HS6ST2: variants seen among roughly 807,000 people sequenced by gnomAD.
HS6ST2 encodes the protein heparan-sulfate 6-O-sulfotransferase 2.
HS6ST2 carries 17 observed loss-of-function variants against 33.0 expected under a neutral mutation model. The observed-to-expected ratio is 0.52, with a 90% CI of 0.35 to 0.77. The LOEUF (loss-of-function observed/expected upper bound fraction) is 0.77, where lower values mean the gene tolerates loss of function less well. HS6ST2 is among the 30% of genes least tolerant of loss of function. The pLI is 0.01. For synonymous variants in HS6ST2, 248 were observed against 237.1 expected (o/e 1.05, Z -0.42); for missense variants, 519 against 551.7 (o/e 0.94, Z 0.59).
intron 2 of HS6ST2, among the ~76,000 whole-genome samples, chrX:132,785,580 T>A (rs148234125): frequency 9.0e-6 from 1 of 111,662 alleles, no homozygotes. Flanking sequence ...ACTAACATCA[T>A]TGGACACTTG....
At chrX:132,650,975 C>T (rs1287996839) in intron 4 of HS6ST2, among the ~76,000 whole-genome samples, 1 of 110,614 alleles carries the variant, frequency 9.0e-6, no homozygotes, top group African/African-American at 3.3e-5. Context: ...ACTATGTTGC[C>T]CAGGCTTGTC....
intron 1 of HS6ST2, 90 bp from the exon 2 acceptor site, chrX:132,957,416 G>T: frequency 1.0e-6 from 1 of 974,970 alleles, no homozygotes; most frequent in Non-Finnish European, 1.4e-6. Context: ...TGGAGCCGCT[G>T]CTGCGCCCCT....
At chrX:132,825,350 G>A (rs981364898) in intron 2 of HS6ST2, among the ~76,000 whole-genome samples, 1 of 111,765 alleles carries the variant, frequency 8.9e-6, no homozygotes, top group African/African-American at 3.2e-5. Context: ...AGGCCCATTT[G>A]TATCTGTTCA....
chrX:132,787,143 A>G (rs1357558845), intron 2 of HS6ST2, among the ~76,000 whole-genome samples: 2 of 83,828 alleles, frequency 2.4e-5, no homozygotes, highest in Non-Finnish European at 4.5e-5. Flanking sequence ...ATATACTCCA[A>G]AGTGTGTGTG....
intron 2 of HS6ST2, among the ~76,000 whole-genome samples, chrX:132,781,669 T>C (rs377745018): frequency 1.2e-4 from 13 of 111,196 alleles, no homozygotes; most frequent in East Asian, 1.1e-3. Flanking sequence ...GAACCTATAA[T>C]TGAGGTGGAA....
At chrX:132,904,276 T>C (rs1210268821) in intron 2 of HS6ST2, among the ~76,000 whole-genome samples, 1 of 111,905 alleles carries the variant, frequency 8.9e-6, no homozygotes, top group African/African-American at 3.2e-5. Flanking sequence ...TCAGTTAATA[T>C]TGTGAAACTT....
chrX:132,790,177 T>A (rs901527344), intron 2 of HS6ST2, among the ~76,000 whole-genome samples: 2 of 111,829 alleles, frequency 1.8e-5, no homozygotes, highest in Non-Finnish European at 3.8e-5. Flanking sequence ...ACTGTTGTCT[T>A]ATTTTAAGAA....
At chrX:132,940,190 A>C (rs1046471743) in intron 2 of HS6ST2, among the ~76,000 whole-genome samples, 5 of 112,098 alleles carry the variant, frequency 4.5e-5, no homozygotes, top group African/African-American at 1.6e-4. Context: ...ATGAATAAAG[A>C]AAAACAGTCT....
chrX:132,674,181 C>T lies in HS6ST2; in HGVS notation c.981-4982G>A, dbSNP rs2063907248. Among the ~76,000 whole-genome samples the T allele has an allele frequency of 2.7e-5, 3 of 111,524 alleles. No individual in the cohort carries two copies. The Admixed American group carries it at 2.9e-4, about 11-fold the overall frequency. On this transcript the variant is annotated intron_variant, in intron 3 of 4. Transcript: ENST00000370833. ...CCTCTTCTAGTTTCCCTTTGCCTAA[C>T]TATGGATAATAACAGGATTTCTGAG...
intron 2 of HS6ST2, among the ~76,000 whole-genome samples, chrX:132,783,739 C>A (rs2065036171): frequency 9.0e-6 from 1 of 111,217 alleles, no homozygotes; most frequent in Non-Finnish European, 1.9e-5. Flanking sequence ...AGGAAGCCCT[C>A]TCCAGCAAGG....
At chrX:132,878,038 G>A (rs773129725) in intron 2 of HS6ST2, among the ~76,000 whole-genome samples, 1 of 111,865 alleles carries the variant, frequency 8.9e-6, no homozygotes, top group Non-Finnish European at 1.9e-5. Context: ...CGGGCAAGAT[G>A]TATTCCTTAA....
intron 2 of HS6ST2, among the ~76,000 whole-genome samples, chrX:132,923,755 G>A (rs1221164749): frequency 9.0e-6 from 1 of 111,084 alleles, no homozygotes; most frequent in Non-Finnish European, 1.9e-5. Flanking sequence ...GAGCCACCGA[G>A]CTGAGCAGAG....
intron 2 of HS6ST2, among the ~76,000 whole-genome samples, chrX:132,833,373 T>C (rs1479881912): frequency 7.2e-5 from 8 of 111,503 alleles, no homozygotes; most frequent in Non-Finnish European, 1.3e-4. Context: ...TGTCAGAGTT[T>C]AGTGCTTGGC....
rs575180166 is a variant in HS6ST2, at chrX:132,916,093, C to T, written c.947+40715G>A. On this transcript the variant is annotated intron_variant, in intron 2 of 4. Transcript: ENST00000370833. ...TTCCTGCATGCAAACCAAGTCATGGCAAAGGAAAGCTGGGCTGGTATGCAA... is the reference window on the plus strand; with the variant it reads ...TTCCTGCATGCAAACCAAGTCATGGTAAAGGAAAGCTGGGCTGGTATGCAA... 5.4e-5 allele frequency among the ~76,000 whole-genome samples: 6 copies of T among 111,338 alleles called. No homozygotes were observed. In the South Asian group the frequency reaches 1.9e-3, roughly 35 times the overall value.
intron 2 of HS6ST2, among the ~76,000 whole-genome samples, chrX:132,948,071 A>G (rs2066975042): frequency 8.9e-6 from 1 of 112,083 alleles, no homozygotes; most frequent in Non-Finnish European, 1.9e-5. Context: ...CGCACAGAAC[A>G]GTGCATGGAA....
At chrX:132,692,985 T>C (rs2064078409) in intron 3 of HS6ST2, among the ~76,000 whole-genome samples, 1 of 112,052 alleles carries the variant, frequency 8.9e-6, no homozygotes, top group South Asian at 3.8e-4. Flanking sequence ...AAGTGTGTAT[T>C]TGATTTATAG....
intron 3 of HS6ST2, among the ~76,000 whole-genome samples, chrX:132,672,375 G>C (rs924350527): frequency 9.0e-6 from 1 of 111,283 alleles, no homozygotes; most frequent in Non-Finnish European, 1.9e-5. Context: ...TACCCCAGTA[G>C]TTATTCTTTT....
intron 3 of HS6ST2, among the ~76,000 whole-genome samples, chrX:132,692,970 C>A (rs1047334690): frequency 1.8e-5 from 2 of 111,762 alleles, no homozygotes; most frequent in Admixed American, 9.5e-5. Flanking sequence ...TGGCATATAA[C>A]TGTTAAGTGT....
chrX:132,643,586 G>C (rs2063617751), intron 4 of HS6ST2, among the ~76,000 whole-genome samples: 1 of 111,602 alleles, frequency 9.0e-6, no homozygotes, highest in African/African-American at 3.3e-5. Context: ...CAGAGGTGAA[G>C]GATAGGGACT....
Sources: allele counts gnomAD v4.1 joint callset (sites outside exome capture counted in the v4.1 genomes callset), GRCh38; gene constraint gnomAD v4.1.1; transcripts MANE v1.5; gene names NCBI Gene and HGNC (gene_info 2026-07-23, HGNC 2026-07-21).